Variants in ADAM22 observed in about 807,000 individuals in gnomAD.
The protein encoded by ADAM22 is disintegrin and metalloproteinase domain-containing protein 22.
ADAM22 carries 65 observed loss-of-function variants against 144.6 expected under a neutral mutation model. The ratio of observed to expected loss-of-function variants is 0.45; its 90% confidence interval spans 0.37 to 0.55. The LOEUF (loss-of-function observed/expected upper bound fraction) is 0.55, where lower values mean the gene tolerates loss of function less well. Ranked by LOEUF, ADAM22 falls within the 20% of genes least tolerant of loss-of-function variation. The pLI is 0.00. For missense variants in ADAM22, 974 were observed against 1,184.9 expected, an observed-to-expected ratio of 0.82 and a Z score of 2.61; for synonymous variants, 391 against 412.6, an observed-to-expected ratio of 0.95 and a Z score of 0.63.
At chr7:88,020,173 A>C (rs1168798732) in intron 3 of ADAM22, among the ~76,000 whole-genome samples, 2 of 152,156 alleles carry the variant, frequency 1.3e-5, no homozygotes, top group East Asian at 3.9e-4. Context: ...GCAGGCATTG[A>C]GTATTAGTCA....
chr7:88,070,111 G>C (rs1812334790), intron 3 of ADAM22, among the ~76,000 whole-genome samples: 1 of 152,114 alleles, frequency 6.6e-6, no homozygotes, highest in Admixed American at 6.6e-5. Context: ...TGTGGTTCCA[G>C]TGATATAATT....
intron 2 of ADAM22, among the ~76,000 whole-genome samples, chr7:87,959,443 C>T (rs143430896): frequency 2.0e-5 from 3 of 152,084 alleles, no homozygotes; most frequent in East Asian, 1.9e-4. Flanking sequence ...ATATGCAAAT[C>T]GCTGGATTTC....
chr7:87,937,020 A>G (rs1841396879), intron 2 of ADAM22, among the ~76,000 whole-genome samples: 1 of 152,160 alleles, frequency 6.6e-6, no homozygotes, highest in Non-Finnish European at 1.5e-5. Context: ...CAGTAGCACG[A>G]TTATGGCTCA....
Position 88,199,851 on chromosome 7 carries a change from T to A in ADAM22, c.*3360T>A, listed in dbSNP as rs1021661978. The A allele has an allele frequency of 3.9e-5, 6 of 152,218 alleles. No homozygotes were observed. The highest frequency in any genetic ancestry group is 7.3e-5 in the Non-Finnish European group (5 of 68,034). The allele number at this position is 152,218 out of a possible 1,614,324, so 9.4% of individuals were successfully genotyped here. A position where few individuals can be genotyped will look rare whatever the true frequency, so the allele number is the denominator to read the frequency against. On this transcript the variant is annotated 3_prime_UTR_variant, in exon 32 of 32. Transcript: ENST00000413139. Reference sequence around the variant, plus strand: ...GTTACTTTAAAAAGAATTTTAAAATTGTGTTTGTATATAAGGTCAGTCTGG... The same window carrying A: ...GTTACTTTAAAAAGAATTTTAAAATAGTGTTTGTATATAAGGTCAGTCTGG...
chr7:88,112,836 T>G (rs1362349587), intron 5 of ADAM22, among the ~76,000 whole-genome samples: 2 of 152,220 alleles, frequency 1.3e-5, no homozygotes, highest in Admixed American at 6.5e-5. Flanking sequence ...GCCTCCCAAG[T>G]AGCTGGGACT....
intron 2 of ADAM22, among the ~76,000 whole-genome samples, chr7:87,970,085 G>A (rs1405286975): frequency 6.6e-6 from 1 of 152,090 alleles, no homozygotes; most frequent in Non-Finnish European, 1.5e-5. Context: ...CCCATATCTT[G>A]ATGTGGCCAC....
chr7:88,173,370 G>A (rs1168614071), intron 26 of ADAM22, among the ~76,000 whole-genome samples: 2 of 151,840 alleles, frequency 1.3e-5, no homozygotes, highest in African/African-American at 2.4e-5. Context: ...TATATATTTT[G>A]ATATATGTCA....
intron 3 of ADAM22, among the ~76,000 whole-genome samples, chr7:88,031,141 A>T (rs1466949905): frequency 2.0e-5 from 3 of 148,514 alleles, no homozygotes; most frequent in Non-Finnish European, 4.5e-5. Flanking sequence ...AACAAACAAA[A>T]AACCAACTTC....
chr7:88,191,097 T>A (rs2129540592), intron 30 of ADAM22, among the ~76,000 whole-genome samples: 1 of 152,358 alleles, frequency 6.6e-6, no homozygotes, highest in South Asian at 2.1e-4. Context: ...AGGTGTCAAT[T>A]AACTAGTGTA....
intron 4 of ADAM22, among the ~76,000 whole-genome samples, chr7:88,094,516 C>T (rs982202292): frequency 6.6e-6 from 1 of 152,100 alleles, no homozygotes; most frequent in African/African-American, 2.4e-5. Context: ...TGGTATTTGA[C>T]CAGAGCCTCA....
intron 27 of ADAM22, among the ~76,000 whole-genome samples, chr7:88,180,634 A>G (rs928547976): frequency 2.6e-5 from 4 of 152,114 alleles, no homozygotes; most frequent in African/African-American, 2.4e-5. Flanking sequence ...ATTTTTAAGT[A>G]TAGTGCTATT....
intron 5 of ADAM22, among the ~76,000 whole-genome samples, chr7:88,111,790 C>G (rs1053898603): frequency 6.6e-6 from 1 of 151,914 alleles, no homozygotes; most frequent in Admixed American, 6.6e-5. Flanking sequence ...GCATATAAAA[C>G]ACATGTATTT....
chr7:88,184,385 A>G (rs929440026), intron 29 of ADAM22: 7 of 431,746 alleles, frequency 1.6e-5, no homozygotes, highest in Non-Finnish European at 2.8e-5. Context: ...GCCCCCAGAC[A>G]GGGAGTCTGG....
At chr7:88,140,440 C>G (rs1174312444) in intron 14 of ADAM22, among the ~76,000 whole-genome samples, 2 of 152,106 alleles carry the variant, frequency 1.3e-5, no homozygotes, top group Non-Finnish European at 2.9e-5. Flanking sequence ...CCAGATTGGT[C>G]TGATGCAGCC....
intron 10 of ADAM22, 76 bp from the exon 11 acceptor site, chr7:88,131,193 G>A: frequency 7.8e-7 from 1 of 1,281,476 alleles, no homozygotes; most frequent in Non-Finnish European, 1.1e-6. Flanking sequence ...CATGAAAGGA[G>A]TTTTGTAGTC....
At chr7:88,183,960 T>C (rs1380333953) in intron 29 of ADAM22, among the ~76,000 whole-genome samples, 1 of 152,040 alleles carries the variant, frequency 6.6e-6, no homozygotes, top group African/African-American at 2.4e-5. Flanking sequence ...GTAATCCCAT[T>C]TGCTTCTGAT....
Position 88,202,269 on chromosome 7 carries a change from GGATA to G in ADAM22, c.*5783_*5786del, listed in dbSNP as rs1263326365. On this transcript the variant is annotated 3_prime_UTR_variant, in exon 32 of 32. Coordinates refer to ENST00000413139, the MANE Select transcript of ADAM22 (RefSeq NM_001324418.2). Reference sequence around the variant, plus strand: ...ACTGCTTTAAAAAAAGGCTTATTCAGGATAGATAAGCATGTACTCCTTTTTTAAC... The same window carrying G: ...ACTGCTTTAAAAAAAGGCTTATTCAGGATAAGCATGTACTCCTTTTTTAAC... 2 of 152,036 alleles carry G rather than the reference GGATA, an allele frequency of 1.3e-5. No individual in the cohort carries two copies. Among genetic ancestry groups the G allele is most frequent in the African/African-American group, 2.4e-5 (1 of 41,372 alleles). 9.4% of individuals were successfully genotyped at this position (152,036 alleles called of 1,614,324 possible). A position where few individuals can be genotyped will look rare whatever the true frequency, so the allele number is the denominator to read the frequency against.
At chr7:87,990,532 A>G (rs375936369) in intron 3 of ADAM22, among the ~76,000 whole-genome samples, 2 of 152,172 alleles carry the variant, frequency 1.3e-5, no homozygotes, top group South Asian at 4.1e-4. Context: ...CAATCCTCCA[A>G]TGTACACTTT....
Position 87,955,462 on chromosome 7 carries a change from C to T in ADAM22, c.246+20276C>T, listed in dbSNP as rs145582701. Among the ~76,000 whole-genome samples, 391 of 152,228 alleles carry T rather than the reference C, an allele frequency of 2.6e-3. 1 individual carries two copies. The highest frequency in any genetic ancestry group is 8.3e-3 in the African/African-American group (346 of 41,542). ...TGCAGAACCGCAGATTTTTGTGATC[C>T]GCAAGTGCTGCTGTCTGATCGTTCC... On this transcript the variant is annotated intron_variant, in intron 2 of 31. Coordinates refer to ENST00000413139, the MANE Select transcript of ADAM22 (RefSeq NM_001324418.2).
Sources: allele counts gnomAD v4.1 joint callset (sites outside exome capture counted in the v4.1 genomes callset), GRCh38; gene constraint gnomAD v4.1.1; transcripts MANE v1.5; gene names NCBI Gene and HGNC (gene_info 2026-07-23, HGNC 2026-07-21).